KCNN3: variants seen among roughly 807,000 people sequenced by gnomAD.
The protein encoded by KCNN3 is small conductance calcium-activated potassium channel protein 3.
A neutral mutation model predicts 62.9 loss-of-function variants in KCNN3; 16 were observed. The ratio of observed to expected loss-of-function variants is 0.25; its 90% CI spans 0.17 to 0.39. The LOEUF (loss-of-function observed/expected upper bound fraction) is 0.39. Among genes scored for constraint, KCNN3 ranks in the 10% least tolerant of loss-of-function variants. KCNN3 has a pLI of 1.00. For missense variants in KCNN3, 599 were observed against 949.4 expected (o/e 0.63, Z 4.85); for synonymous variants, 370 against 389.2 (o/e 0.95, Z 0.58).
intron 2 of KCNN3, among the ~76,000 whole-genome samples, chr1:154,807,115 C>T (rs1235033791): frequency 6.6e-6 from 1 of 152,076 alleles, no homozygotes. Flanking sequence ...ATGCAGTCAA[C>T]CCGCAGCAAC....
At chr1:154,840,467 G>A (rs36088503) in intron 1 of KCNN3, among the ~76,000 whole-genome samples, 23,858 of 152,150 alleles carry the variant, frequency 0.16, 2,132 homozygotes, top group Non-Finnish European at 0.21. Flanking sequence ...GGTTTCCTGC[G>A]AAGGCTTCCG....
chr1:154,734,198 T>G (rs1571222435), intron 3 of KCNN3, among the ~76,000 whole-genome samples: 2 of 152,142 alleles, frequency 1.3e-5, no homozygotes, highest in South Asian at 4.1e-4. Context: ...CTGGTGAAGG[T>G]GAGTCCTCTT....
intron 5 of KCNN3, among the ~76,000 whole-genome samples, chr1:154,717,637 A>G (rs1266164481): frequency 6.6e-6 from 1 of 152,032 alleles, no homozygotes; most frequent in East Asian, 1.9e-4. Context: ...GTCAGCCCAA[A>G]TGTAAGATAC....
At chr1:154,866,675 C>T (rs553394102) in intron 1 of KCNN3, among the ~76,000 whole-genome samples, 60 of 152,350 alleles carry the variant, frequency 3.9e-4, no homozygotes, top group African/African-American at 1.4e-3. Context: ...ATGAGCTCTG[C>T]TTATCTCAAG....
chr1:154,788,309 G>A (rs771706185), intron 2 of KCNN3, among the ~76,000 whole-genome samples: 3 of 152,206 alleles, frequency 2.0e-5, no homozygotes, highest in Non-Finnish European at 4.4e-5. Context: ...TGCTGGCCAT[G>A]TTGGAAGCAC....
At chr1:154,818,920 C>A (rs879355908) in intron 2 of KCNN3, among the ~76,000 whole-genome samples, 1 of 152,220 alleles carries the variant, frequency 6.6e-6, no homozygotes, top group Admixed American at 6.5e-5. Flanking sequence ...GTGTGAGCTT[C>A]TGGGGCAAGG....
At chr1:154,804,939 G>A (rs569013294) in intron 2 of KCNN3, among the ~76,000 whole-genome samples, 15 of 152,146 alleles carry the variant, frequency 9.9e-5, no homozygotes, top group African/African-American at 1.9e-4. Flanking sequence ...TGCAGACACC[G>A]AAAACATAGT....
chr1:154,708,082 C>T lies in KCNN3; in HGVS notation c.2090G>A (p.Gly697Asp), dbSNP rs1381597874. ...GGTGGTGCCCACTGCCACGCTGACA[C>T]CCCGGGCCTCGATGATGGCAGACAG... ...QLLSAIIEAR[G>D]VSVAVGTTHT... The change falls in exon 8 of 8, where the codon GGT becomes GAT. Residue 697 changes from glycine (G) to aspartate (D), a missense_variant. Gly to Asp is a moderately conservative substitution (Grantham distance 94). Around this residue, in one of 7 missense-constraint regions of KCNN3, gnomAD observed 52 missense variants for 53.3 expected, o/e 0.98. Transcript: ENST00000271915. The T allele has an allele frequency of 1.9e-6, 3 of 1,613,768 alleles. No individual in the cohort carries two copies. Among genetic ancestry groups the T allele is most frequent in the Non-Finnish European group, 1.7e-6 (2 of 1,179,908 alleles).
Position 154,870,095 on chromosome 1 carries a change from G to T in KCNN3, c.-131C>A. The T allele has an allele frequency of 1.8e-6, 2 of 1,108,174 alleles. No homozygotes were observed. The highest frequency in any genetic ancestry group is 2.7e-6 in the Non-Finnish European group (2 of 743,964). The allele number at this position is 1,108,174 out of a possible 1,614,324, so 68.6% of individuals were successfully genotyped here. On this transcript the variant is annotated 5_prime_UTR_variant, in exon 1 of 8. Coordinates refer to ENST00000271915, the MANE Select transcript of KCNN3 (RefSeq NM_002249.6). Reference sequence around the variant, plus strand: ...TATCTTGGCTCCAGTCCTCTCTTTGGCTTGCTTCGGTTCTCTGGGGCTGCC... The same window carrying T: ...TATCTTGGCTCCAGTCCTCTCTTTGTCTTGCTTCGGTTCTCTGGGGCTGCC...
intron 1 of KCNN3, among the ~76,000 whole-genome samples, chr1:154,861,541 G>A (rs890789380): frequency 1.6e-4 from 24 of 151,924 alleles, no homozygotes; most frequent in Non-Finnish European, 3.1e-4. Flanking sequence ...CCCTCTCCCC[G>A]GGCTTCTCAC....
At chr1:154,759,857 G>C (rs896703468) in intron 3 of KCNN3, among the ~76,000 whole-genome samples, 6 of 152,134 alleles carry the variant, frequency 3.9e-5, no homozygotes, top group African/African-American at 1.4e-4. Context: ...AAAATGGAAT[G>C]GTTTCTCAAT....
intron 3 of KCNN3, among the ~76,000 whole-genome samples, chr1:154,752,796 G>T (rs1647442369): frequency 6.6e-6 from 1 of 152,150 alleles, no homozygotes; most frequent in South Asian, 2.1e-4. Context: ...TTACCCCACT[G>T]CTCTTGGCCT....
chr1:154,844,105 C>G (rs1197219999), intron 1 of KCNN3, among the ~76,000 whole-genome samples: 1 of 152,232 alleles, frequency 6.6e-6, no homozygotes, highest in Non-Finnish European at 1.5e-5. Flanking sequence ...AATGAATGTC[C>G]CCCGTTACAC....
At chr1:154,735,660 C>T (rs933434364) in intron 3 of KCNN3, among the ~76,000 whole-genome samples, 4 of 152,142 alleles carry the variant, frequency 2.6e-5, no homozygotes, top group Admixed American at 6.5e-5. Flanking sequence ...CGTGACCCAG[C>T]GCATCAGCCC....
At chr1:154,812,948 C>T (rs182160416) in intron 2 of KCNN3, among the ~76,000 whole-genome samples, 289 of 152,358 alleles carry the variant, frequency 1.9e-3, no homozygotes, top group African/African-American at 6.8e-3. Context: ...CACAGCCACT[C>T]TCCCGACATT....
At chr1:154,737,655 C>T (rs146526681) in intron 3 of KCNN3, among the ~76,000 whole-genome samples, 10 of 151,942 alleles carry the variant, frequency 6.6e-5, no homozygotes, top group East Asian at 1.9e-4. Flanking sequence ...ACTGGACCCA[C>T]GAGACAAGAA....
chr1:154,760,353 A>C (rs1368720760), intron 3 of KCNN3, among the ~76,000 whole-genome samples: 1 of 150,206 alleles, frequency 6.7e-6, no homozygotes, highest in Non-Finnish European at 1.5e-5. Context: ...AGAACGGCTG[A>C]ATACGAGATC....
chr1:154,728,569 C>T (rs995172297), intron 4 of KCNN3, among the ~76,000 whole-genome samples: 4 of 148,972 alleles, frequency 2.7e-5, no homozygotes, highest in South Asian at 2.2e-4. Flanking sequence ...GCAGACTGTG[C>T]GGGGTGCGGG....
rs1183084765 is a variant in KCNN3, at chr1:154,703,330, G to C, written c.*4646C>G. The C allele has an allele frequency of 6.6e-6, 1 of 152,106 alleles. No homozygotes were observed. The highest frequency in any genetic ancestry group is 1.5e-5 in the Non-Finnish European group (1 of 68,030). 9.4% of individuals were successfully genotyped at this position (152,106 alleles called of 1,614,324 possible). On this transcript the variant is annotated 3_prime_UTR_variant, in exon 8 of 8. Transcript: ENST00000271915. The stretch of plus-strand genomic sequence containing the variant: ...CGGCAGTAGAGAAGGAAAGGATACT[G>C]TCTGGGGCGTCATCAAGCCCACCGA...
Sources: allele counts gnomAD v4.1 joint callset (sites outside exome capture counted in the v4.1 genomes callset), GRCh38; gene constraint gnomAD v4.1.1; regional missense constraint gnomAD v4.1.1; transcripts MANE v1.5; gene names NCBI Gene and HGNC (gene_info 2026-07-23, HGNC 2026-07-21).